The following SLC26A4 variants were observed in gnomAD, a reference collection of about 807,000 sequenced individuals.
The protein encoded by SLC26A4 is pendrin.
Under a neutral mutation model 90.4 loss-of-function variants are expected in SLC26A4, and 93 were observed. The ratio of observed to expected loss-of-function variants is 1.03; its 90% CI spans 0.87 to 1.22. SLC26A4 has a LOEUF of 1.22. SLC26A4 is among the 50% of genes most tolerant of loss of function. The pLI is 0.00. For missense variants in SLC26A4, 1,127 were observed against 946.2 expected, an observed-to-expected ratio of 1.19 and a Z score of -2.51; for synonymous variants, 393 against 354.6, an observed-to-expected ratio of 1.11 and a Z score of -1.22.
In SLC26A4 at chr7:107,661,173, C is replaced by T. The variant is rs1790535739; in HGVS notation, c.-4+318C>T. On this transcript the variant is annotated intron_variant, in intron 1 of 20. Coordinates refer to ENST00000644269, the MANE Select transcript of SLC26A4 (RefSeq NM_000441.2). This position sits in a 1 kb window ranked among gnomAD's most constrained non-coding sequence, Gnocchi z 5.1. ...CCTGGCCCGGGGGTCTGCACCTCTCCTCCAGTGCGCACCTGGAGCTGCGTC... is the reference window on the plus strand; with the variant it reads ...CCTGGCCCGGGGGTCTGCACCTCTCTTCCAGTGCGCACCTGGAGCTGCGTC... The T allele has an allele frequency of 2.0e-5, 4 of 203,820 alleles. No individual in the cohort carries two copies. Among genetic ancestry groups the T allele is most frequent in the Non-Finnish European group, 4.0e-5 (4 of 99,886 alleles). 12.6% of individuals were successfully genotyped at this position (203,820 alleles called of 1,614,324 possible). A position where few individuals can be genotyped will look rare whatever the true frequency, so the allele number is the denominator to read the frequency against.
intron 6 of SLC26A4, among the ~76,000 whole-genome samples, chr7:107,676,907 C>T (rs1791038080): frequency 1.3e-5 from 2 of 152,144 alleles, no homozygotes; most frequent in Non-Finnish European, 2.9e-5. Flanking sequence ...GGTGTGGTGG[C>T]TCATGCCTGT....
chr7:107,676,421 A>G (rs544997639), intron 6 of SLC26A4, among the ~76,000 whole-genome samples: 1 of 152,388 alleles, frequency 6.6e-6, no homozygotes, highest in Admixed American at 6.5e-5. Context: ...TGTCTCAACA[A>G]TTATAAATGA....
intron 6 of SLC26A4, among the ~76,000 whole-genome samples, chr7:107,680,861 A>C (rs1367656941): frequency 6.6e-6 from 1 of 152,108 alleles, no homozygotes; most frequent in Non-Finnish European, 1.5e-5. Context: ...TAATTTTTGC[A>C]TCTTGAGTTG....
At chr7:107,667,522 G>A (rs1790751572) in intron 3 of SLC26A4, among the ~76,000 whole-genome samples, 1 of 150,458 alleles carries the variant, frequency 6.6e-6, no homozygotes, top group Admixed American at 6.6e-5. Context: ...TTGCCTGAGG[G>A]GTGGGGTATG....
Position 107,691,855 on chromosome 7 carries a change from C to T in SLC26A4, c.1263+1618C>T, listed in dbSNP as rs1791586613. The stretch of plus-strand genomic sequence containing the variant: ...CATATCCGGAGGCATAGCCAGAGAT[C>T]TGTGGTCAAGGGGAAGAGGTCAGAG... On this transcript the variant is annotated intron_variant, in intron 10 of 20. Transcript: ENST00000644269. 5 of 1,188,592 alleles carry T rather than the reference C, an allele frequency of 4.2e-6. No individual in the cohort carries two copies. The South Asian group carries it at 7.6e-5, about 18-fold the overall frequency. The allele number at this position is 1,188,592 out of a possible 1,614,324, so 73.6% of individuals were successfully genotyped here. A position where few individuals can be genotyped will look rare whatever the true frequency, so the allele number is the denominator to read the frequency against.
In SLC26A4 at chr7:107,717,700, T is replaced by A. The variant is rs949560257; in HGVS notation, c.*2254T>A. 3 of 152,636 alleles carry A rather than the reference T, an allele frequency of 2.0e-5. No homozygotes were observed. Among genetic ancestry groups the A allele is most frequent in the African/African-American group, 7.2e-5 (3 of 41,468 alleles). 9.5% of individuals were successfully genotyped at this position (152,636 alleles called of 1,614,324 possible). A position where few individuals can be genotyped will look rare whatever the true frequency, so the allele number is the denominator to read the frequency against. ...AAGATTCCAGTATTGTATATGAGTTTTAACAAATTAAAAAATCAAATCATG... is the reference window on the plus strand; with the variant it reads ...AAGATTCCAGTATTGTATATGAGTTATAACAAATTAAAAAATCAAATCATG... On this transcript the variant is annotated 3_prime_UTR_variant, in exon 21 of 21. Coordinates refer to ENST00000644269, the MANE Select transcript of SLC26A4 (RefSeq NM_000441.2).
At chr7:107,689,310 G>A in intron 9 of SLC26A4, 110 bp downstream of exon 9, 6 of 1,120,434 alleles carry the variant, frequency 5.4e-6, no homozygotes, top group Non-Finnish European at 8.1e-6. Flanking sequence ...TCTTTCACCA[G>A]ACCTTATTGG....
Position 107,661,614 on chromosome 7 carries a change from C to T in SLC26A4, c.-3-25C>T. On this transcript the variant is annotated intron_variant, in intron 1 of 20. Coordinates refer to ENST00000644269, the MANE Select transcript of SLC26A4 (RefSeq NM_000441.2). This position sits in a 1 kb window ranked among gnomAD's most constrained non-coding sequence, Gnocchi z 5.1. Reference sequence around the variant, plus strand: ...CGTCCTCGCTTACCGCGTGTCCTCCCTCCTCGCTGTCCTCTGGCTCGCAGG... The same window carrying T: ...CGTCCTCGCTTACCGCGTGTCCTCCTTCCTCGCTGTCCTCTGGCTCGCAGG... 1 of 1,546,544 alleles carries T rather than the reference C, an allele frequency of 6.5e-7. No individual in the cohort carries two copies.
At chr7:107,706,303 C>G (rs994922103) in intron 18 of SLC26A4, among the ~76,000 whole-genome samples, 14 of 152,136 alleles carry the variant, frequency 9.2e-5, no homozygotes, top group Middle Eastern at 3.2e-3. Context: ...CTTTGCCAAG[C>G]CTGGCGAGGT....
chr7:107,703,392 G>A (rs868765613), intron 17 of SLC26A4, among the ~76,000 whole-genome samples: 3 of 152,204 alleles, frequency 2.0e-5, no homozygotes, highest in Non-Finnish European at 4.4e-5. Flanking sequence ...ATTCCAGGAT[G>A]TGGGTACTAG....
At position 107,690,129 on chromosome 7, in the gene SLC26A4, C is replaced by T; in HGVS notation, c.1155C>T (p.Phe385=). 9 of 1,592,740 alleles carry T rather than the reference C, an allele frequency of 5.7e-6. No homozygotes were observed. The highest frequency in any genetic ancestry group is 7.8e-6 in the Non-Finnish European group (9 of 1,160,546). ...TCATCCAGTCTCTTCCTTAGGAATT[C>T]ATTGCCTTTGGGATCAGCAACATCT... is the stretch of plus-strand genomic sequence containing the variant. ...YDYTIDGNQE[F]IAFGISNIFS... is the part of the protein sequence containing the mutation. The change falls in exon 10 of 21, where the codon TTC becomes TTT. Residue 385 remains phenylalanine, a synonymous_variant. Transcript: ENST00000644269.
intron 20 of SLC26A4, among the ~76,000 whole-genome samples, chr7:107,713,321 T>C (rs1173298509): frequency 1.3e-5 from 2 of 152,244 alleles, no homozygotes; most frequent in African/African-American, 4.8e-5. Context: ...TTTCCAGACA[T>C]TGGCCACTAG....
rs138602690 is a variant in SLC26A4, at chr7:107,702,224, C to G, written c.2034+167C>G. On this transcript the variant is annotated intron_variant, in intron 17 of 20. Coordinates refer to ENST00000644269, the MANE Select transcript of SLC26A4 (RefSeq NM_000441.2). ...TTAAAGCATAGGCTCTGGAGCCAGA[C>G]TACCTGGGGGAGATACTGGCTTCAC... Among the ~76,000 whole-genome samples, 944 of 152,324 alleles carry G rather than the reference C, an allele frequency of 6.2e-3. 14 individuals carry two copies. The highest frequency in any genetic ancestry group is 0.022 in the African/African-American group (914 of 41,576).
chr7:107,690,509 A>G (rs1398357351), intron 10 of SLC26A4, among the ~76,000 whole-genome samples: 1 of 152,190 alleles, frequency 6.6e-6, no homozygotes, highest in Non-Finnish European at 1.5e-5. Context: ...GTCAATAACA[A>G]CTGACAAGGA....
intron 6 of SLC26A4, among the ~76,000 whole-genome samples, chr7:107,678,064 G>A (rs1791074971): frequency 6.6e-6 from 1 of 152,108 alleles, no homozygotes; most frequent in African/African-American, 2.4e-5. Flanking sequence ...ATAGGTGTGG[G>A]CCACTGCACC....
Position 107,674,964 on chromosome 7 carries a change from AG to A in SLC26A4, c.621del (p.Ile208LeufsTer4). 1 of 1,614,116 alleles carries A rather than the reference AG, an allele frequency of 6.2e-7. No individual in the cohort carries two copies. The highest frequency in any genetic ancestry group is 8.5e-7 in the Non-Finnish European group (1 of 1,180,014). On this transcript the variant is annotated frameshift_variant, in exon 6 of 21. Coordinates refer to ENST00000644269, the MANE Select transcript of SLC26A4 (RefSeq NM_000441.2). LOFTEE classifies it high-confidence loss of function. Reference sequence around the variant, plus strand: ...TCGTAGTTGATATTTGGTGGCTTGCAGATTGGATTCATAGTGAGGTACTTGG... The same window carrying A: ...TCGTAGTTGATATTTGGTGGCTTGCAATTGGATTCATAGTGAGGTACTTGG... The part of the protein sequence containing the change: ...GIIQLIFGGL[Q>X]IGFIVRYLAD...
At chr7:107,687,338 G>A (rs1051180632) in intron 8 of SLC26A4, among the ~76,000 whole-genome samples, 1 of 152,184 alleles carries the variant, frequency 6.6e-6, no homozygotes, top group African/African-American at 2.4e-5. Context: ...ATATCCAGAC[G>A]GGACTTCAAT....
intron 3 of SLC26A4, 137 bp from the exon 4 acceptor site, chr7:107,672,001 G>T: frequency 2.9e-6 from 2 of 688,080 alleles, no homozygotes; most frequent in Non-Finnish European, 5.4e-6. Flanking sequence ...GTTACTTAAA[G>T]TATGGTTTCT....
intron 3 of SLC26A4, among the ~76,000 whole-genome samples, chr7:107,666,090 T>C (rs1410619021): frequency 2.0e-5 from 3 of 152,200 alleles, no homozygotes; most frequent in African/African-American, 7.2e-5. Flanking sequence ...TTCATGGAGC[T>C]TTGTAAAATT....
Sources: gnomAD v4.1 joint callset for allele counts (sites outside exome capture counted in the v4.1 genomes callset) on GRCh38, gnomAD v4.1.1 for gene constraint, Gnocchi (gnomAD v3.1) non-coding constraint, MANE v1.5 for transcripts, NCBI Gene and HGNC (gene_info 2026-07-23, HGNC 2026-07-21) for gene names.